The following SCAMP5 variants were observed in gnomAD, a reference collection of about 807,000 sequenced individuals.
SCAMP5 encodes the protein secretory carrier-associated membrane protein 5.
In SCAMP5, 7 loss-of-function variants were observed where a neutral mutation model predicts 28.3. The ratio of observed to expected loss-of-function variants is 0.25; its 90% CI spans 0.14 to 0.46. SCAMP5 has a LOEUF of 0.46. Ranked by LOEUF, SCAMP5 falls within the 20% of genes least tolerant of loss-of-function variation. The pLI is 0.99. For missense variants in SCAMP5, 192 were observed against 312.5 expected, an observed-to-expected ratio of 0.61 and a Z score of 2.91; for synonymous variants, 117 against 116.4, an observed-to-expected ratio of 1.00 and a Z score of -0.03.
intron 1 of SCAMP5, among the ~76,000 whole-genome samples, chr15:75,011,442 T>A (rs2065810892): frequency 6.6e-6 from 1 of 152,222 alleles, no homozygotes; most frequent in East Asian, 1.9e-4. Flanking sequence ...AAAGGGAGGC[T>A]AGCCTGTGAC....
intron 1 of SCAMP5, among the ~76,000 whole-genome samples, chr15:75,006,729 C>G (rs1158820871): frequency 1.3e-5 from 2 of 149,066 alleles, no homozygotes; most frequent in Admixed American, 6.7e-5. Flanking sequence ...GAGCCGAGAT[C>G]ACGCCGCTGC....
At position 75,020,043 on chromosome 15, in the gene SCAMP5, A is replaced by G. The variant is rs950635489; in HGVS notation, c.*1060A>G. On this transcript the variant is annotated 3_prime_UTR_variant, in exon 7 of 7. Transcript: ENST00000425597. ...CCATGTGCCAGGTGGCATCTGCCTTACTGCCTTCCCTGAGGAGCTGGGACA... is the reference window on the plus strand; with the variant it reads ...CCATGTGCCAGGTGGCATCTGCCTTGCTGCCTTCCCTGAGGAGCTGGGACA... 6.5e-6 allele frequency: 1 copy of G among 152,796 alleles called. No homozygotes were observed. Among genetic ancestry groups the G allele is most frequent in the African/African-American group, 2.4e-5 (1 of 41,386 alleles). The allele number at this position is 152,796 out of a possible 1,614,324, so 9.5% of individuals were successfully genotyped here. A position where few individuals can be genotyped will look rare whatever the true frequency, so the allele number is the denominator to read the frequency against.
At chr15:74,999,615 A>C (rs556910335) in intron 1 of SCAMP5, among the ~76,000 whole-genome samples, 2 of 152,156 alleles carry the variant, frequency 1.3e-5, no homozygotes, top group African/African-American at 4.8e-5. Context: ...AAAAACAAAA[A>C]CAAACCAAAC....
chr15:75,000,164 AT>A (rs2065690363), intron 1 of SCAMP5, among the ~76,000 whole-genome samples: 2 of 152,042 alleles, frequency 1.3e-5, no homozygotes, highest in Non-Finnish European at 2.9e-5. Context: ...AATTGCATAT[AT>A]TTTTACAGAT....
intron 1 of SCAMP5, among the ~76,000 whole-genome samples, chr15:75,003,153 C>T (rs1348051685): frequency 1.3e-5 from 2 of 152,202 alleles, no homozygotes; most frequent in South Asian, 2.1e-4. Context: ...GAACTCCTGA[C>T]CTCAAGTGAT....
At chr15:75,003,921 T>A (rs1318296012) in intron 1 of SCAMP5, among the ~76,000 whole-genome samples, 1 of 151,904 alleles carries the variant, frequency 6.6e-6, no homozygotes, top group Non-Finnish European at 1.5e-5. Flanking sequence ...TTTTTTTTTT[T>A]GAGATGGAGT....
At chr15:75,009,482 T>TGTGTGTGC (rs771751550) in intron 1 of SCAMP5, among the ~76,000 whole-genome samples, 2 of 149,848 alleles carry the variant, frequency 1.3e-5, no homozygotes, top group Non-Finnish European at 3.0e-5. Context: ...TGTGTGTGTG[T>TGTGTGTGC]GCTTTTTTTC....
intron 1 of SCAMP5, among the ~76,000 whole-genome samples, chr15:75,008,248 A>G (rs944908050): frequency 1.3e-5 from 2 of 152,112 alleles, no homozygotes; most frequent in African/African-American, 2.4e-5. Context: ...ACTTATTAAT[A>G]AGTATATAAA....
intron 3 of SCAMP5, among the ~76,000 whole-genome samples, chr15:75,015,455 G>GT (rs2065850373): frequency 2.0e-5 from 3 of 151,872 alleles, no homozygotes; most frequent in African/African-American, 4.8e-5. Context: ...GGGACAGAGG[G>GT]GGGGGGGCCT....
At chr15:74,995,798 G>C (rs953985741) in intron 1 of SCAMP5, 125 bp downstream of exon 1, 10 of 152,646 alleles carry the variant, frequency 6.6e-5, no homozygotes, top group African/African-American at 2.4e-4. Context: ...GCAGGAAGAA[G>C]GCCGAACTGC....
At chr15:75,002,114 A>C (rs879379917) in intron 1 of SCAMP5, among the ~76,000 whole-genome samples, 1 of 152,008 alleles carries the variant, frequency 6.6e-6, no homozygotes, top group Non-Finnish European at 1.5e-5. Flanking sequence ...TCAAATAAAA[A>C]ATAAAACAAA....
chr15:75,016,585 G>A lies in SCAMP5; in HGVS notation c.137-8G>A. 1 of 1,610,662 alleles carries A rather than the reference G, an allele frequency of 6.2e-7. No homozygotes were observed. Among genetic ancestry groups the A allele is most frequent in the African/African-American group, 1.3e-5 (1 of 74,946 alleles). On this transcript the variant is annotated splice_region_variant and splice_polypyrimidine_tract_variant and intron_variant, in intron 3 of 6. Coordinates refer to ENST00000425597, the MANE Select transcript of SCAMP5 (RefSeq NM_138967.4). ...TCTCTATGTGTGCATGTGCTCCTGG[G>A]CCTGCAGTGAACAGCGTCACGCTGG... is the stretch of plus-strand genomic sequence containing the variant.
chr15:75,007,081 T>G (rs1376159933), intron 1 of SCAMP5, among the ~76,000 whole-genome samples: 2 of 152,228 alleles, frequency 1.3e-5, no homozygotes, highest in African/African-American at 4.8e-5. Context: ...AGTACTTTCT[T>G]CTTTATGATA....
chr15:75,020,923 C>T lies in SCAMP5; in HGVS notation c.*1940C>T, dbSNP rs938453773. 2 of 152,242 alleles carry T rather than the reference C, an allele frequency of 1.3e-5. No individual in the cohort carries two copies. Among genetic ancestry groups the T allele is most frequent in the Non-Finnish European group, 2.9e-5 (2 of 68,070 alleles). 9.4% of individuals were successfully genotyped at this position (152,242 alleles called of 1,614,324 possible). ...CATTTTCTCTCTTGGGAGCAATGGT[C>T]ACAGTCCCTGGTACCTGAAAAGGTA... is the stretch of plus-strand genomic sequence containing the variant. On this transcript the variant is annotated 3_prime_UTR_variant, in exon 7 of 7. Coordinates refer to ENST00000425597, the MANE Select transcript of SCAMP5 (RefSeq NM_138967.4).
intron 1 of SCAMP5, among the ~76,000 whole-genome samples, chr15:74,999,684 C>T (rs1452750549): frequency 6.6e-6 from 1 of 152,116 alleles, no homozygotes; most frequent in Admixed American, 6.6e-5. Flanking sequence ...CACCTGTAGT[C>T]CCAGCTACTC....
In SCAMP5 at chr15:75,018,559, G is replaced by A; in HGVS notation, c.513+24G>A. The A allele has an allele frequency of 6.6e-7, 1 of 1,514,728 alleles. No individual in the cohort carries two copies. Among genetic ancestry groups the A allele is most frequent in the Non-Finnish European group, 9.2e-7 (1 of 1,089,462 alleles). 93.8% of individuals were successfully genotyped at this position (1,514,728 alleles called of 1,614,324 possible). On this transcript the variant is annotated intron_variant, in intron 6 of 6. Transcript: ENST00000425597. This position sits in a 1 kb window ranked among gnomAD's most constrained non-coding sequence, Gnocchi z 5.6. ...TGGTACGTGGTCCCCTCAAGGGTGA[G>A]AAGGTGGCTTTGGGAAGGGGCCATG...
chr15:74,996,867 TGA>T lies in SCAMP5; in HGVS notation c.-49+1198_-49+1199del, dbSNP rs141818651. Among the ~76,000 whole-genome samples the T allele has an allele frequency of 0.013, 2,014 of 152,266 alleles. 47 individuals carry two copies. Among genetic ancestry groups the T allele is most frequent in the African/African-American group, 0.046 (1,921 of 41,536 alleles). ...AGCCTTAGGGCAAAGTCTCTAGAGC[TGA>T]GAGGGGGCTGTCTCTGGTGAATGGG... On this transcript the variant is annotated intron_variant, in intron 1 of 6. Transcript: ENST00000425597. The surrounding 1 kb of genome is among the most constrained non-coding windows in gnomAD (Gnocchi z 4.1).
At chr15:75,004,775 A>G (rs556069814) in intron 1 of SCAMP5, among the ~76,000 whole-genome samples, 1 of 152,078 alleles carries the variant, frequency 6.6e-6, no homozygotes, top group African/African-American at 2.4e-5. Context: ...AAACATGCAC[A>G]CATACAATAC....
chr15:75,011,609 A>G, intron 1 of SCAMP5, 183 bp from the exon 2 acceptor site: 2 of 400,128 alleles, frequency 5.0e-6, no homozygotes, highest in Non-Finnish European at 9.1e-6. Context: ...AGCAGCTGGT[A>G]AGATGCAGCT....
Sources: gnomAD v4.1 joint callset for allele counts (sites outside exome capture counted in the v4.1 genomes callset) on GRCh38, gnomAD v4.1.1 for gene constraint, Gnocchi (gnomAD v3.1) non-coding constraint, MANE v1.5 for transcripts, NCBI Gene and HGNC (gene_info 2026-07-23, HGNC 2026-07-21) for gene names.